The following GSG1L variants were observed in gnomAD, a reference collection of about 807,000 sequenced individuals.
The protein encoded by GSG1L is germ cell-specific gene 1-like protein.
In GSG1L, 24 loss-of-function variants were observed where a neutral mutation model predicts 42.1. The ratio of observed to expected loss-of-function variants is 0.57; its 90% CI spans 0.41 to 0.80. GSG1L has a LOEUF of 0.80. GSG1L is among the 30% of genes least tolerant of loss of function. The pLI is 0.00. For synonymous variants in GSG1L, 215 were observed against 203.5 expected, an observed-to-expected ratio of 1.06 and a Z score of -0.48; for missense variants, 445 against 472.2, an observed-to-expected ratio of 0.94 and a Z score of 0.53.
At chr16:27,853,055 T>C (rs1291945190) in intron 3 of GSG1L, among the ~76,000 whole-genome samples, 1 of 152,124 alleles carries the variant, frequency 6.6e-6, no homozygotes, top group Non-Finnish European at 1.5e-5. Context: ...ACCCAATTAA[T>C]ATCAGCCCCA....
intron 3 of GSG1L, among the ~76,000 whole-genome samples, chr16:27,860,195 G>C (rs542052900): frequency 6.6e-6 from 1 of 152,228 alleles, no homozygotes; most frequent in Non-Finnish European, 1.5e-5. Flanking sequence ...GGGCACCTGG[G>C]CTGCGGTTAC....
intron 2 of GSG1L, among the ~76,000 whole-genome samples, chr16:27,909,683 C>G (rs8049866): frequency 0.36 from 51,405 of 141,400 alleles, 11,371 homozygotes; most frequent in East Asian, 0.6. Context: ...GCTCTGTTGC[C>G]CATGCTGGAA....
At chr16:28,024,724 T>C (rs1015748659) in intron 1 of GSG1L, among the ~76,000 whole-genome samples, 4 of 151,734 alleles carry the variant, frequency 2.6e-5, no homozygotes, top group Non-Finnish European at 5.9e-5. Flanking sequence ...AAAATAGGAG[T>C]CCAAACAGAA....
intron 3 of GSG1L, among the ~76,000 whole-genome samples, chr16:27,876,118 C>A (rs911257739): frequency 6.6e-6 from 1 of 152,132 alleles, no homozygotes; most frequent in African/African-American, 2.4e-5. Flanking sequence ...CTGACTTAGA[C>A]CCTCTGCATT....
chr16:27,914,975 T>C (rs2084435785), intron 2 of GSG1L, among the ~76,000 whole-genome samples: 2 of 152,208 alleles, frequency 1.3e-5, no homozygotes, highest in Admixed American at 1.3e-4. Context: ...TGATTACTGC[T>C]CCCATGTCAT....
chr16:28,023,361 G>A (rs774202711), intron 1 of GSG1L, among the ~76,000 whole-genome samples: 31 of 151,964 alleles, frequency 2.0e-4, no homozygotes, highest in Non-Finnish European at 3.5e-4. Flanking sequence ...TCATTTAGCC[G>A]TCCCCCTATT....
At chr16:27,927,096 C>T (rs2084602552) in intron 2 of GSG1L, among the ~76,000 whole-genome samples, 1 of 152,048 alleles carries the variant, frequency 6.6e-6, no homozygotes, top group South Asian at 2.1e-4. Flanking sequence ...TCTCGAAGCC[C>T]CTCCAATCTA....
rs1644600 is a variant in GSG1L at position 27,791,484 on chromosome 16, C to T, written c.899-17G>A. ...GCTGGTGTCCTGCCAGGAGACAAGG[C>T]GGTCAGTGCTGAAAGCCACCTTCCT... On this transcript the variant is annotated splice_polypyrimidine_tract_variant and intron_variant, in intron 6 of 6. Transcript: ENST00000447459. The T allele has an allele frequency of 0.24, 343,229 of 1,449,782 alleles. 41,932 individuals are homozygous for T. The highest frequency in any genetic ancestry group is 0.39 in the Admixed American group (15,645 of 40,000). 89.8% of individuals were successfully genotyped at this position (1,449,782 alleles called of 1,614,324 possible).
intron 1 of GSG1L, among the ~76,000 whole-genome samples, chr16:28,034,006 C>A (rs1002257989): frequency 2.6e-5 from 4 of 152,132 alleles, no homozygotes; most frequent in Non-Finnish European, 4.4e-5. Flanking sequence ...GATCAGAGAC[C>A]AGACTGAGGC....
intron 3 of GSG1L, among the ~76,000 whole-genome samples, chr16:27,860,016 T>C (rs377530999): frequency 1.5e-5 from 2 of 129,286 alleles, no homozygotes; most frequent in East Asian, 2.2e-4. Flanking sequence ...CCTGTGACTC[T>C]GGCAGGTGCT....
At chr16:27,835,688 G>C (rs1203982691) in intron 4 of GSG1L, among the ~76,000 whole-genome samples, 1 of 151,584 alleles carries the variant, frequency 6.6e-6, no homozygotes, top group Non-Finnish European at 1.5e-5. Flanking sequence ...CTTTTTTAGG[G>C]GTTGCTCTGG....
chr16:28,006,600 C>T (rs568182566), intron 1 of GSG1L, among the ~76,000 whole-genome samples: 251 of 152,206 alleles, frequency 1.6e-3, no homozygotes, highest in African/African-American at 5.7e-3. Flanking sequence ...TGAGCCACCG[C>T]GCCTGCCCCA....
At chr16:27,937,691 C>T (rs1392583289) in intron 2 of GSG1L, among the ~76,000 whole-genome samples, 1 of 152,172 alleles carries the variant, frequency 6.6e-6, no homozygotes, top group Non-Finnish European at 1.5e-5. Flanking sequence ...GTTGAGTTGG[C>T]GGCTGGTGGG....
At chr16:28,006,195 C>G (rs146732335) in intron 1 of GSG1L, among the ~76,000 whole-genome samples, 37 of 152,364 alleles carry the variant, frequency 2.4e-4, no homozygotes, top group African/African-American at 8.7e-4. Context: ...GTCCTACCAT[C>G]TGTAGGAACT....
chr16:27,914,523 C>A (rs989184333), intron 2 of GSG1L, among the ~76,000 whole-genome samples: 2 of 145,258 alleles, frequency 1.4e-5, no homozygotes, highest in South Asian at 4.3e-4. Context: ...TTTTTCTTTT[C>A]TTTTCTATTT....
intron 1 of GSG1L, among the ~76,000 whole-genome samples, chr16:28,062,498 G>A (rs1007016861): frequency 4.6e-5 from 7 of 152,194 alleles, no homozygotes; most frequent in African/African-American, 1.7e-4. Flanking sequence ...GCCTCTGGGC[G>A]GGTGCGGCTT....
At chr16:28,032,159 A>G (rs1202018893) in intron 1 of GSG1L, among the ~76,000 whole-genome samples, 1 of 152,198 alleles carries the variant, frequency 6.6e-6, no homozygotes, top group East Asian at 1.9e-4. Flanking sequence ...TTCAGGGCAG[A>G]AATAGCTGGA....
chr16:27,941,019 A>T lies in GSG1L; in HGVS notation c.397+22137T>A, dbSNP rs115398319. On this transcript the variant is annotated intron_variant, in intron 2 of 6. Coordinates refer to ENST00000447459, the MANE Select transcript of GSG1L (RefSeq NM_001109763.2). The stretch of plus-strand genomic sequence containing the variant: ...AAAATTAACTCAATATGGATCAGAG[A>T]CCTAAACAGAAGAGCTAAAACAATA... 3.3e-3 allele frequency among the ~76,000 whole-genome samples: 502 copies of T among 152,272 alleles called. 4 individuals carry two copies. The highest frequency in any genetic ancestry group is 0.011 in the African/African-American group (478 of 41,572).
chr16:27,843,507 A>T (rs1032416746), intron 4 of GSG1L, among the ~76,000 whole-genome samples: 106 of 144,524 alleles, frequency 7.3e-4, no homozygotes, highest in African/African-American at 2.7e-3. Flanking sequence ...GACTCTGTAA[A>T]AAAAAAAAAA....
Sources: allele counts gnomAD v4.1 joint callset (sites outside exome capture counted in the v4.1 genomes callset), GRCh38; gene constraint gnomAD v4.1.1; transcripts MANE v1.5; gene names NCBI Gene and HGNC (gene_info 2026-07-23, HGNC 2026-07-21).